Variants in IGSF11 observed in about 807,000 individuals in gnomAD.
IGSF11 encodes immunoglobulin superfamily member 11, also known as CXADR like 1.
Under a neutral mutation model 41.0 loss-of-function variants are expected in IGSF11, and 22 were observed. The ratio of observed to expected loss-of-function variants is 0.54; its 90% CI spans 0.38 to 0.77. IGSF11 has a LOEUF of 0.77. Ranked by LOEUF, IGSF11 falls within the 30% of genes least tolerant of loss-of-function variation. The pLI is 0.00. For synonymous variants in IGSF11, 219 were observed against 201.3 expected (o/e 1.09, Z -0.74); for missense variants, 444 against 530.8 (o/e 0.84, Z 1.61).
chr3:118,997,359 T>C (rs973053442), intron 1 of IGSF11, among the ~76,000 whole-genome samples: 2 of 152,240 alleles, frequency 1.3e-5, no homozygotes, highest in Non-Finnish European at 2.9e-5. Context: ...AGTGTCTCTC[T>C]AATCTGGAAT....
chr3:119,128,048 G>A (rs1031242322), intron 1 of IGSF11, among the ~76,000 whole-genome samples: 4 of 152,088 alleles, frequency 2.6e-5, no homozygotes, highest in East Asian at 1.9e-4. Flanking sequence ...AACTCCAAAC[G>A]TAACAATACT....
At chr3:118,987,574 T>C (rs1280735107) in intron 1 of IGSF11, among the ~76,000 whole-genome samples, 1 of 152,152 alleles carries the variant, frequency 6.6e-6, no homozygotes, top group African/African-American at 2.4e-5. Context: ...TAAACAATGT[T>C]TGGAGCTCAT....
At chr3:118,906,296 G>C (rs755497398) in intron 4 of IGSF11, among the ~76,000 whole-genome samples, 11 of 152,160 alleles carry the variant, frequency 7.2e-5, no homozygotes, top group Non-Finnish European at 1.0e-4. Flanking sequence ...AGAAGGCAGG[G>C]AGAGCCTCAG....
At chr3:119,120,698 A>G (rs2077320666) in intron 1 of IGSF11, among the ~76,000 whole-genome samples, 1 of 152,250 alleles carries the variant, frequency 6.6e-6, no homozygotes, top group African/African-American at 2.4e-5. Context: ...GTGGGTCACC[A>G]TGATACCTGT....
At chr3:119,083,504 TCA>T (rs58353612) in intron 1 of IGSF11, among the ~76,000 whole-genome samples, 25,816 of 148,320 alleles carry the variant, frequency 0.17, 2,477 homozygotes, top group East Asian at 0.22. Context: ...ACCACAAAGA[TCA>T]CACACACACA....
intron 1 of IGSF11, among the ~76,000 whole-genome samples, chr3:118,956,784 A>C (rs1190029483): frequency 6.6e-6 from 1 of 152,220 alleles, no homozygotes; most frequent in African/African-American, 2.4e-5. Flanking sequence ...TGTGAAAATT[A>C]CCAAAGTGTG....
At chr3:118,976,791 G>A (rs745922354) in intron 1 of IGSF11, among the ~76,000 whole-genome samples, 37 of 152,170 alleles carry the variant, frequency 2.4e-4, no homozygotes, top group Admixed American at 6.5e-4. Flanking sequence ...AGTGGACCAG[G>A]AGAGATATGA....
At chr3:119,117,770 G>A (rs1431715146) in intron 1 of IGSF11, among the ~76,000 whole-genome samples, 1 of 152,150 alleles carries the variant, frequency 6.6e-6, no homozygotes, top group Non-Finnish European at 1.5e-5. Context: ...AAAATCAAAG[G>A]CAAGTTGGTT....
intron 1 of IGSF11, among the ~76,000 whole-genome samples, chr3:119,136,878 T>C (rs929702058): frequency 1.3e-5 from 2 of 152,026 alleles, no homozygotes; most frequent in African/African-American, 4.8e-5. Flanking sequence ...ACAAATTTAG[T>C]AAAGATGCAA....
intron 1 of IGSF11, among the ~76,000 whole-genome samples, chr3:118,980,532 G>A (rs1934607317): frequency 6.6e-6 from 1 of 152,220 alleles, no homozygotes; most frequent in Non-Finnish European, 1.5e-5. Flanking sequence ...TAAGGGTAGA[G>A]GGTGGAAGTG....
intron 1 of IGSF11, among the ~76,000 whole-genome samples, chr3:119,120,993 C>A (rs1199567188): frequency 1.3e-5 from 2 of 151,994 alleles, no homozygotes; most frequent in African/African-American, 4.8e-5. Flanking sequence ...TTATCATGAC[C>A]TATAGAATTA....
chr3:118,972,652 G>A (rs534552224), intron 1 of IGSF11, among the ~76,000 whole-genome samples: 3 of 152,280 alleles, frequency 2.0e-5, no homozygotes, highest in South Asian at 2.1e-4. Context: ...ATAGATCCTC[G>A]TTATTCGGGG....
chr3:119,133,778 T>C (rs2077517711), intron 1 of IGSF11, among the ~76,000 whole-genome samples: 1 of 152,204 alleles, frequency 6.6e-6, no homozygotes, highest in Admixed American at 6.5e-5. Flanking sequence ...AAAAAGAGAA[T>C]TTTAGACCAA....
chr3:119,021,000 C>T (rs1157299797), intron 1 of IGSF11, among the ~76,000 whole-genome samples: 1 of 152,142 alleles, frequency 6.6e-6, no homozygotes, highest in East Asian at 1.9e-4. Context: ...AGGTTCTCAA[C>T]AGTTTGTTAG....
At chr3:119,014,455 T>G (rs1183743521) in intron 1 of IGSF11, among the ~76,000 whole-genome samples, 1 of 152,214 alleles carries the variant, frequency 6.6e-6, no homozygotes, top group African/African-American at 2.4e-5. Flanking sequence ...TCATGGGACA[T>G]ACACATTTTT....
At chr3:118,941,950 T>C (rs1242133824) in intron 1 of IGSF11, among the ~76,000 whole-genome samples, 1 of 151,950 alleles carries the variant, frequency 6.6e-6, no homozygotes, top group African/African-American at 2.4e-5. Flanking sequence ...AAAGCAGCAG[T>C]TGCCAGATGC....
chr3:119,012,535 G>A (rs552938433), intron 1 of IGSF11, among the ~76,000 whole-genome samples: 121 of 152,214 alleles, frequency 7.9e-4, no homozygotes, highest in Non-Finnish European at 1.3e-3. Flanking sequence ...AACACAAGAA[G>A]TAGAAAATGG....
At position 119,129,158 on chromosome 3, in the gene IGSF11, G is replaced by A. The variant is rs772492922; in HGVS notation, c.-14+16655C>T. Among the ~76,000 whole-genome samples, 153 of 152,126 alleles carry A rather than the reference G, an allele frequency of 1.0e-3. 3 individuals carry two copies. Among genetic ancestry groups the A allele is most frequent in the Non-Finnish European group, 2.1e-4 (14 of 68,020 alleles). ...GGGAACAACAACACCAGGGCCTGTT[G>A]TGGGGTGGGGGTGAGGGGAGAGAAC... On this transcript the variant is annotated intron_variant, in intron 1 of 7. Transcript: ENST00000425327.
At chr3:118,985,269 C>G (rs900184451) in intron 1 of IGSF11, among the ~76,000 whole-genome samples, 1 of 152,180 alleles carries the variant, frequency 6.6e-6, no homozygotes, top group Admixed American at 6.5e-5. Flanking sequence ...AGGGAGATAA[C>G]AATATTCTAT....
Sources: gnomAD v4.1 joint callset for allele counts (sites outside exome capture counted in the v4.1 genomes callset) on GRCh38, gnomAD v4.1.1 for gene constraint, MANE v1.5 for transcripts, NCBI Gene and HGNC (gene_info 2026-07-23, HGNC 2026-07-21) for gene names.